Variants in OPCML observed in about 807,000 individuals in gnomAD.
OPCML encodes the protein opioid-binding protein/cell adhesion molecule.
OPCML carries 13 observed loss-of-function variants against 37.8 expected under a neutral mutation model. The observed-to-expected ratio is 0.34, with a 90% CI of 0.22 to 0.55. The LOEUF is 0.55. OPCML is among the 20% of genes least tolerant of loss of function. The probability of loss-of-function intolerance (pLI) is 0.91; values close to 1 mark genes in which losing one functional copy is unlikely to be tolerated. For missense variants in OPCML, 341 were observed against 435.6 expected, an observed-to-expected ratio of 0.78 and a Z score of 1.93; for synonymous variants, 176 against 168.8, an observed-to-expected ratio of 1.04 and a Z score of -0.33.
chr11:133,502,286 A>T (rs978083483), intron 1 of OPCML, among the ~76,000 whole-genome samples: 34 of 151,822 alleles, frequency 2.2e-4, no homozygotes, highest in African/African-American at 7.5e-4. Context: ...CTTAGAGCCC[A>T]CCCCCTCTCC....
At chr11:132,903,868 T>C (rs925319891) in intron 2 of OPCML, among the ~76,000 whole-genome samples, 5 of 152,228 alleles carry the variant, frequency 3.3e-5, no homozygotes, top group Admixed American at 1.3e-4. Context: ...CACGTGTGTG[T>C]AGTTTTCATT....
intron 1 of OPCML, among the ~76,000 whole-genome samples, chr11:133,053,954 C>T (rs1268875839): frequency 6.6e-6 from 1 of 152,216 alleles, no homozygotes; most frequent in Non-Finnish European, 1.5e-5. Flanking sequence ...CCACTCTCTT[C>T]CCCTGAAATC....
intron 1 of OPCML, among the ~76,000 whole-genome samples, chr11:133,226,463 T>C (rs753944949): frequency 2.0e-5 from 3 of 152,236 alleles, no homozygotes; most frequent in Non-Finnish European, 2.9e-5. Context: ...CCAACCTCTT[T>C]CTTGTATCCC....
chr11:133,070,423 A>G (rs1948507597), intron 1 of OPCML, among the ~76,000 whole-genome samples: 1 of 152,106 alleles, frequency 6.6e-6, no homozygotes, highest in Non-Finnish European at 1.5e-5. Context: ...TAGGCTCAAG[A>G]TTTCATAATC....
rs11223349 is a variant in OPCML, at chr11:133,063,798, G to T, written c.62-120788C>A. 1.5e-3 allele frequency among the ~76,000 whole-genome samples: 233 copies of T among 152,258 alleles called. 2 individuals are homozygous for T. In the East Asian group the frequency reaches 0.036, roughly 23 times the overall value. On this transcript the variant is annotated intron_variant, in intron 1 of 7. Transcript: ENST00000524381. ...GCTGGTCTTGAACTCCTGACCTCAGGTGATCCACCCACCTTGGCCTCCCAA... is the reference window on the plus strand; with the variant it reads ...GCTGGTCTTGAACTCCTGACCTCAGTTGATCCACCCACCTTGGCCTCCCAA...
chr11:132,807,808 T>C (rs148223630), intron 2 of OPCML, among the ~76,000 whole-genome samples: 2 of 152,340 alleles, frequency 1.3e-5, no homozygotes, highest in East Asian at 1.9e-4. Context: ...ATAGAATTTA[T>C]AAATCTCTGG....
chr11:133,233,406 C>T lies in OPCML; in HGVS notation c.62-290396G>A, dbSNP rs188376746. On this transcript the variant is annotated intron_variant, in intron 1 of 7. Transcript: ENST00000524381. ...GCAGGGCATAAGAGAAAGGTGCCCT[C>T]CCTGTACCAGGAAGAGGAGAATGCT... is the stretch of plus-strand genomic sequence containing the variant. Among the ~76,000 whole-genome samples, 219 of 152,310 alleles carry T rather than the reference C, an allele frequency of 1.4e-3. 1 individual carries two copies. Among genetic ancestry groups the T allele is most frequent in the Non-Finnish European group, 2.6e-3 (175 of 68,022 alleles).
At chr11:132,838,283 A>G (rs74902428) in intron 2 of OPCML, among the ~76,000 whole-genome samples, 23,292 of 152,228 alleles carry the variant, frequency 0.15, 2,071 homozygotes, top group East Asian at 0.27. Context: ...CAATTAATAA[A>G]CAAATAAAAA....
chr11:132,480,418 G>C (rs1210254155), intron 4 of OPCML, among the ~76,000 whole-genome samples: 1 of 152,200 alleles, frequency 6.6e-6, no homozygotes, highest in East Asian at 1.9e-4. Context: ...GTGATGGGGA[G>C]AATGGAACCA....
intron 4 of OPCML, among the ~76,000 whole-genome samples, chr11:132,513,920 G>A (rs2096274255): frequency 6.6e-6 from 1 of 152,066 alleles, no homozygotes; most frequent in Non-Finnish European, 1.5e-5. Context: ...TTATTCTTCT[G>A]TTTCAAACAC....
intron 1 of OPCML, among the ~76,000 whole-genome samples, chr11:133,193,564 C>T (rs897942971): frequency 3.9e-5 from 6 of 152,138 alleles, no homozygotes; most frequent in Admixed American, 6.5e-5. Context: ...CTAATGGGCA[C>T]TATTTTGGTA....
intron 4 of OPCML, among the ~76,000 whole-genome samples, chr11:132,481,142 G>A (rs546499037): frequency 6.6e-6 from 1 of 152,176 alleles, no homozygotes; most frequent in Non-Finnish European, 1.5e-5. Flanking sequence ...TGGATAAAGA[G>A]TCAAGACCCA....
intron 4 of OPCML, among the ~76,000 whole-genome samples, chr11:132,490,443 C>A (rs1362615650): frequency 6.6e-6 from 1 of 152,046 alleles, no homozygotes; most frequent in East Asian, 2.0e-4. Context: ...CCTGGCCATC[C>A]TCTCTGGCTG....
At chr11:132,844,400 A>G (rs548517368) in intron 2 of OPCML, among the ~76,000 whole-genome samples, 4 of 152,292 alleles carry the variant, frequency 2.6e-5, no homozygotes, top group African/African-American at 9.6e-5. Context: ...GCAATAAGAG[A>G]TGAACTTGCA....
At chr11:133,144,218 C>T (rs986643266) in intron 1 of OPCML, among the ~76,000 whole-genome samples, 1 of 152,216 alleles carries the variant, frequency 6.6e-6, no homozygotes, top group Non-Finnish European at 1.5e-5. Flanking sequence ...GCGCTCTCTT[C>T]CCAGGGCTGG....
intron 2 of OPCML, among the ~76,000 whole-genome samples, chr11:132,904,194 A>G (rs535241449): frequency 1.3e-5 from 2 of 152,330 alleles, no homozygotes; most frequent in East Asian, 3.9e-4. Flanking sequence ...TTGTCAATCT[A>G]CTGATTCAGG....
At chr11:133,082,945 C>T (rs1322326981) in intron 1 of OPCML, among the ~76,000 whole-genome samples, 1 of 150,728 alleles carries the variant, frequency 6.6e-6, no homozygotes, top group Non-Finnish European at 1.5e-5. Context: ...GACGTCGCGC[C>T]AGTGCCTCGC....
At chr11:133,284,066 GA>G (rs1298263320) in intron 1 of OPCML, among the ~76,000 whole-genome samples, 2 of 152,166 alleles carry the variant, frequency 1.3e-5, no homozygotes, top group Non-Finnish European at 2.9e-5. Context: ...ATTAACAGAA[GA>G]GGTCAATATA....
At chr11:133,113,328 A>C (rs1358823011) in intron 1 of OPCML, among the ~76,000 whole-genome samples, 1 of 152,014 alleles carries the variant, frequency 6.6e-6, no homozygotes, top group South Asian at 2.1e-4. Flanking sequence ...TCATTAAAAG[A>C]CTCTTTTCAA....
Sources: gnomAD v4.1 joint callset for allele counts (sites outside exome capture counted in the v4.1 genomes callset) on GRCh38, gnomAD v4.1.1 for gene constraint, MANE v1.5 for transcripts, NCBI Gene and HGNC (gene_info 2026-07-23, HGNC 2026-07-21) for gene names.